RABGAP1L: variants seen among roughly 807,000 people sequenced by gnomAD.
RABGAP1L encodes rab GTPase-activating protein 1-like.
Under a neutral mutation model 137.7 loss-of-function variants are expected in RABGAP1L, and 63 were observed. The observed-to-expected ratio is 0.46, with a 90% confidence interval of 0.37 to 0.56. The LOEUF (loss-of-function observed/expected upper bound fraction) is 0.56. Ranked by LOEUF, RABGAP1L falls within the 20% of genes least tolerant of loss-of-function variation. The pLI, the probability that RABGAP1L is intolerant of heterozygous loss-of-function variation, is 0.00. For synonymous variants in RABGAP1L, 431 were observed against 433.7 expected (o/e 0.99, Z 0.08); for missense variants, 1,095 against 1,244.0 (o/e 0.88, Z 1.80).
chr1:174,875,996 C>T (rs1019998597), intron 19 of RABGAP1L, among the ~76,000 whole-genome samples: 2 of 152,240 alleles, frequency 1.3e-5, no homozygotes, highest in Non-Finnish European at 2.9e-5. Context: ...TCCTAGCAAT[C>T]AGGTGCTTTT....
chr1:174,564,162 A>T (rs998415344), intron 13 of RABGAP1L, among the ~76,000 whole-genome samples: 1 of 152,172 alleles, frequency 6.6e-6, no homozygotes, highest in African/African-American at 2.4e-5. Context: ...ATGATTATAA[A>T]TCTTTTTAAT....
intron 10 of RABGAP1L, among the ~76,000 whole-genome samples, chr1:174,292,760 C>G (rs1281261783): frequency 6.6e-6 from 1 of 152,056 alleles, no homozygotes; most frequent in African/African-American, 2.4e-5. Flanking sequence ...TCCATTATGT[C>G]AAGTTCTATA....
chr1:174,708,068 T>C (rs1424967386), intron 17 of RABGAP1L, among the ~76,000 whole-genome samples: 1 of 152,206 alleles, frequency 6.6e-6, no homozygotes, highest in Non-Finnish European at 1.5e-5. Flanking sequence ...AGTAACTTGG[T>C]ATTTTCATGA....
chr1:174,829,915 A>T lies in RABGAP1L; in HGVS notation c.2340+17955A>T, dbSNP rs1004293408. ...ATATTTATGGTTGCCCATTGTATCA[A>T]TTATCTATTGCTGTATAACAAACCA... is the stretch of plus-strand genomic sequence containing the variant. On this transcript the variant is annotated intron_variant, in intron 19 of 25. Coordinates refer to ENST00000681986, the MANE Select transcript of RABGAP1L (RefSeq NM_001366446.1). Among the ~76,000 whole-genome samples, 27 of 148,362 alleles carry T rather than the reference A, an allele frequency of 1.8e-4. 2 individuals carry two copies. The highest frequency in any genetic ancestry group is 6.4e-4 in the African/African-American group (26 of 40,644).
At chr1:174,854,546 T>G (rs1004839281) in intron 19 of RABGAP1L, among the ~76,000 whole-genome samples, 10 of 151,986 alleles carry the variant, frequency 6.6e-5, no homozygotes, top group African/African-American at 2.4e-4. Flanking sequence ...ACTGGATGAT[T>G]ATTATTCTAA....
At chr1:174,199,294 G>T (rs775553063) in intron 1 of RABGAP1L, among the ~76,000 whole-genome samples, 32 of 151,316 alleles carry the variant, frequency 2.1e-4, no homozygotes, top group Non-Finnish European at 3.8e-4. Flanking sequence ...TTCATGTATT[G>T]TTTTTTTTCT....
intron 13 of RABGAP1L, among the ~76,000 whole-genome samples, chr1:174,624,798 A>G (rs1672817485): frequency 6.6e-6 from 1 of 151,074 alleles, no homozygotes; most frequent in South Asian, 2.1e-4. Flanking sequence ...ATATTTCTCT[A>G]AATAATCTCA....
At chr1:174,622,040 G>C (rs755013792) in intron 13 of RABGAP1L, among the ~76,000 whole-genome samples, 2 of 152,110 alleles carry the variant, frequency 1.3e-5, no homozygotes, top group African/African-American at 4.8e-5. Context: ...AAGAGTGGGC[G>C]AAGGATATGA....
intron 11 of RABGAP1L, among the ~76,000 whole-genome samples, chr1:174,334,115 A>G (rs1176459411): frequency 6.6e-6 from 1 of 152,232 alleles, no homozygotes; most frequent in Non-Finnish European, 1.5e-5. Flanking sequence ...ACATGTTTCC[A>G]GAATTCTGTC....
At chr1:174,299,326 GT>G (rs1403309401) in intron 10 of RABGAP1L, among the ~76,000 whole-genome samples, 7 of 152,192 alleles carry the variant, frequency 4.6e-5, no homozygotes, top group African/African-American at 1.7e-4. Context: ...CTGTTAGCAA[GT>G]GACATTCTTT....
intron 1 of RABGAP1L, among the ~76,000 whole-genome samples, chr1:174,167,978 T>C (rs532790394): frequency 3.1e-4 from 47 of 152,220 alleles, no homozygotes; most frequent in African/African-American, 1.1e-3. Flanking sequence ...CTTGCATACA[T>C]TGATGGCCGG....
intron 14 of RABGAP1L, among the ~76,000 whole-genome samples, chr1:174,647,246 T>C (rs1431253827): frequency 6.6e-6 from 1 of 152,128 alleles, no homozygotes; most frequent in Non-Finnish European, 1.5e-5. Flanking sequence ...AATATTGTGT[T>C]GAATAGGAGT....
intron 18 of RABGAP1L, among the ~76,000 whole-genome samples, chr1:174,760,082 A>G (rs769955683): frequency 6.6e-5 from 10 of 152,206 alleles, no homozygotes; most frequent in Non-Finnish European, 1.5e-4. Flanking sequence ...TTTGAGTGTT[A>G]GCAGTGGAAC....
In RABGAP1L at chr1:174,221,017, A is replaced by G. The variant is rs995774539; in HGVS notation, c.184A>G (p.Ile62Val). The part of the protein sequence containing the change: ...DEQLEKAMEE[I>V]LRDSEKRPSS... ...ACAATTGGAAAAAGCCATGGAAGAGATTTTGAGAGATTCCGAGAAAAGGCC... is the reference window on the plus strand; with the variant it reads ...ACAATTGGAAAAAGCCATGGAAGAGGTTTTGAGAGATTCCGAGAAAAGGCC... Residue 62 changes from isoleucine to valine, a missense_variant, in exon 3 of 26, where the codon ATT (isoleucine) becomes GTT (valine). Physicochemically the swap from Ile to Val is conservative, Grantham distance 29 (BLOSUM62 3). Transcript: ENST00000681986. 2 of 1,613,666 alleles carry G rather than the reference A, an allele frequency of 1.2e-6. No homozygotes were observed. The highest frequency in any genetic ancestry group is 2.2e-5 in the South Asian group (2 of 91,036).
intron 11 of RABGAP1L, among the ~76,000 whole-genome samples, chr1:174,320,266 C>A (rs543276680): frequency 3.9e-5 from 6 of 152,146 alleles, no homozygotes; most frequent in Non-Finnish European, 8.8e-5. Context: ...ACTTGTGGTT[C>A]CTGGCAACCA....
intron 13 of RABGAP1L, among the ~76,000 whole-genome samples, chr1:174,485,976 T>C (rs1334783895): frequency 6.6e-6 from 1 of 152,198 alleles, no homozygotes; most frequent in Non-Finnish European, 1.5e-5. Flanking sequence ...CCTGGACTTT[T>C]CTTTGCTGGG....
chr1:174,201,322 G>A (rs977635106), intron 1 of RABGAP1L, among the ~76,000 whole-genome samples: 9 of 147,956 alleles, frequency 6.1e-5, no homozygotes, highest in East Asian at 5.9e-4. Flanking sequence ...TCAGCCTCCC[G>A]AGTAGCTGGG....
chr1:174,168,649 CT>C (rs1210698922), intron 1 of RABGAP1L, among the ~76,000 whole-genome samples: 1 of 152,078 alleles, frequency 6.6e-6, no homozygotes, highest in African/African-American at 2.4e-5. Context: ...CTCTCCATTC[CT>C]TTTTTCCTTC....
At chr1:174,858,894 A>G (rs1378157853) in intron 19 of RABGAP1L, among the ~76,000 whole-genome samples, 1 of 152,242 alleles carries the variant, frequency 6.6e-6, no homozygotes, top group Non-Finnish European at 1.5e-5. Context: ...GCTATTATTA[A>G]AAAGTCAAAA....
Sources: allele counts gnomAD v4.1 joint callset (sites outside exome capture counted in the v4.1 genomes callset), GRCh38; gene constraint gnomAD v4.1.1; transcripts MANE v1.5; gene names NCBI Gene and HGNC (gene_info 2026-07-23, HGNC 2026-07-21).